Variants in MARCHF5 observed in about 807,000 individuals in gnomAD.
MARCHF5 encodes E3 ubiquitin-protein ligase MARCHF5.
Under a neutral mutation model 36.5 loss-of-function variants are expected in MARCHF5, and 5 were observed. The ratio of observed to expected loss-of-function variants is 0.14; its 90% confidence interval spans 0.07 to 0.29. The LOEUF is 0.29. Among genes scored for constraint, MARCHF5 ranks in the 10% least tolerant of loss-of-function variants. MARCHF5 has a pLI of 1.00. For synonymous variants in MARCHF5, 103 were observed against 109.9 expected, an observed-to-expected ratio of 0.94 and a Z score of 0.39; for missense variants, 179 against 336.3, an observed-to-expected ratio of 0.53 and a Z score of 3.66.
intron 1 of MARCHF5, among the ~76,000 whole-genome samples, chr10:92,305,030 T>A (rs1843056941): frequency 1.3e-5 from 2 of 152,204 alleles, no homozygotes; most frequent in African/African-American, 4.8e-5. Context: ...GCATTTTACT[T>A]ATTGTTTAAA....
intron 2 of MARCHF5, among the ~76,000 whole-genome samples, chr10:92,319,445 G>A (rs1485823884): frequency 4.6e-5 from 7 of 151,094 alleles, no homozygotes; most frequent in East Asian, 2.0e-4. Flanking sequence ...ACAGGCGCAC[G>A]CCACCATGCC....
intron 2 of MARCHF5, among the ~76,000 whole-genome samples, chr10:92,326,380 T>A (rs1280599741): frequency 1.3e-5 from 2 of 152,026 alleles, no homozygotes; most frequent in African/African-American, 2.4e-5. Context: ...CTCAGCAAAT[T>A]TATGTAATGG....
intron 1 of MARCHF5, among the ~76,000 whole-genome samples, chr10:92,302,998 A>G (rs1236987788): frequency 6.6e-6 from 1 of 152,188 alleles, no homozygotes; most frequent in Non-Finnish European, 1.5e-5. Flanking sequence ...CAGGAGTCTG[A>G]TTTCCCAGAA....
chr10:92,353,894 C>T lies in MARCHF5; in HGVS notation c.*2687C>T, dbSNP rs182339482. 9.8e-5 allele frequency: 15 copies of T among 152,438 alleles called. No homozygotes were observed. The East Asian group carries it at 1.5e-3, about 16-fold the overall frequency. The allele number at this position is 152,438 out of a possible 1,614,324, so 9.4% of individuals were successfully genotyped here. A position where few individuals can be genotyped will look rare whatever the true frequency, so the allele number is the denominator to read the frequency against. Reference sequence around the variant, plus strand: ...CTAACTTTGCTGTAATTTTTTTAAACGTCTTGTTTTTAATATAGCAAACTA... The same window carrying T: ...CTAACTTTGCTGTAATTTTTTTAAATGTCTTGTTTTTAATATAGCAAACTA... On this transcript the variant is annotated 3_prime_UTR_variant, in exon 6 of 6. Transcript: ENST00000358935.
Position 92,319,326 on chromosome 10 carries a change from G to A in MARCHF5, c.238+7989G>A, listed in dbSNP as rs545586081. On this transcript the variant is annotated intron_variant, in intron 2 of 5. Coordinates refer to ENST00000358935, the MANE Select transcript of MARCHF5 (RefSeq NM_017824.5). ...TTTTTTTTTTTTGAGACGGAGTTTCGCTCTTGTCGCCCAGGCTGGAGTGCA... is the reference window on the plus strand; with the variant it reads ...TTTTTTTTTTTTGAGACGGAGTTTCACTCTTGTCGCCCAGGCTGGAGTGCA... 1.9e-3 allele frequency among the ~76,000 whole-genome samples: 275 copies of A among 141,912 alleles called. 1 individual carries two copies. The highest frequency in any genetic ancestry group is 6.9e-3 in the African/African-American group (265 of 38,508). 93.1% of individuals were successfully genotyped at this position (141,912 alleles called of 152,430 possible). A position where few individuals can be genotyped will look rare whatever the true frequency, so the allele number is the denominator to read the frequency against.
intron 2 of MARCHF5, among the ~76,000 whole-genome samples, chr10:92,326,655 ATAGC>A (rs748895889): frequency 2.0e-5 from 3 of 152,218 alleles, no homozygotes; most frequent in Non-Finnish European, 2.9e-5. Context: ...AAACAAAATG[ATAGC>A]TAGGTGCCTG....
At chr10:92,302,305 G>A (rs890760735) in intron 1 of MARCHF5, among the ~76,000 whole-genome samples, 1 of 152,080 alleles carries the variant, frequency 6.6e-6, no homozygotes, top group African/African-American at 2.4e-5. Flanking sequence ...ATAGATCCAG[G>A]TACTTTAACT....
At position 92,330,596 on chromosome 10, in the gene MARCHF5, A is replaced by T. The variant is rs1031164114; in HGVS notation, c.239-10077A>T. 3.9e-5 allele frequency among the ~76,000 whole-genome samples: 6 copies of T among 152,212 alleles called. No homozygotes were observed. The East Asian group carries it at 1.2e-3, about 29-fold the overall frequency. ...TATTTGTATTCCAGAGCTATATACC[A>T]CAAGTTTTTTCTCAGACACCTGCTG... is the stretch of plus-strand genomic sequence containing the variant. On this transcript the variant is annotated intron_variant, in intron 2 of 5. Coordinates refer to ENST00000358935, the MANE Select transcript of MARCHF5 (RefSeq NM_017824.5).
chr10:92,322,244 C>CAAAAAAAAA (rs56391697), intron 2 of MARCHF5, among the ~76,000 whole-genome samples: 2 of 27,746 alleles, frequency 7.2e-5, no homozygotes, highest in Non-Finnish European at 6.5e-5. Flanking sequence ...AACTCCGTCT[C>CAAAAAAAAA]AAAAAAAAAA....
chr10:92,311,062 G>A (rs1328755752), intron 1 of MARCHF5, 73 bp from the exon 2 acceptor site: 3 of 1,092,030 alleles, frequency 2.7e-6, no homozygotes, highest in Admixed American at 4.0e-5. Context: ...ATCCCATTAA[G>A]TAAGAGCTGC....
At chr10:92,291,751 G>A (rs1842870365) in intron 1 of MARCHF5, 3 of 232,252 alleles carry the variant, frequency 1.3e-5, no homozygotes, top group Non-Finnish European at 2.1e-5. Flanking sequence ...AAGGAGTGGC[G>A]TCTGGTTTCC....
intron 1 of MARCHF5, among the ~76,000 whole-genome samples, chr10:92,301,694 A>C (rs1237978798): frequency 6.6e-6 from 1 of 152,250 alleles, no homozygotes; most frequent in African/African-American, 2.4e-5. Context: ...CTGATATAAA[A>C]TGGTGTAGTA....
At chr10:92,294,804 G>A (rs181698241) in intron 1 of MARCHF5, among the ~76,000 whole-genome samples, 2 of 152,282 alleles carry the variant, frequency 1.3e-5, no homozygotes, top group Admixed American at 6.5e-5. Context: ...TTGGGAGGCC[G>A]AGATGAGAGG....
chr10:92,320,427 C>T (rs1213650076), intron 2 of MARCHF5, among the ~76,000 whole-genome samples: 1 of 152,000 alleles, frequency 6.6e-6, no homozygotes, highest in Non-Finnish European at 1.5e-5. Context: ...TCAGGCATAT[C>T]CTTCAGGAGG....
intron 2 of MARCHF5, among the ~76,000 whole-genome samples, chr10:92,318,847 C>G (rs1843249778): frequency 6.6e-6 from 1 of 152,074 alleles, no homozygotes; most frequent in African/African-American, 2.4e-5. Flanking sequence ...GCTGGAATTA[C>G]AGGCACCCAC....
At chr10:92,349,045 A>G (rs1025928819) in intron 3 of MARCHF5, among the ~76,000 whole-genome samples, 3 of 152,292 alleles carry the variant, frequency 2.0e-5, no homozygotes, top group South Asian at 2.1e-4. Flanking sequence ...AACCAAATCA[A>G]ATAAAGGAAT....
At chr10:92,328,821 A>ATATATATATATATATATATTTT (rs372130854) in intron 2 of MARCHF5, among the ~76,000 whole-genome samples, 2 of 122,444 alleles carry the variant, frequency 1.6e-5, no homozygotes, top group African/African-American at 6.3e-5. Context: ...ATATATATAT[A>ATATATATATATATATATATTTT]TTTTTTTTTT....
At chr10:92,332,948 T>C (rs1215947134) in intron 2 of MARCHF5, among the ~76,000 whole-genome samples, 1 of 151,998 alleles carries the variant, frequency 6.6e-6, no homozygotes, top group Non-Finnish European at 1.5e-5. Flanking sequence ...GCGGATTACC[T>C]GAGGTCAGGA....
In MARCHF5 at chr10:92,311,131, A is replaced by G. The variant is rs770714708; in HGVS notation, c.36-4A>G. ...ATGTCATCCTTTTCTCTTTTAATTT[A>G]CAGAAGTTGCTGGGTTTGTTTTGCT... On this transcript the variant is annotated splice_region_variant and splice_polypyrimidine_tract_variant and intron_variant, in intron 1 of 5. Transcript: ENST00000358935. 1.9e-5 allele frequency: 31 copies of G among 1,612,298 alleles called. No individual in the cohort carries two copies. Among genetic ancestry groups the G allele is most frequent in the Non-Finnish European group, 2.5e-5 (29 of 1,178,556 alleles).
Sources: allele counts gnomAD v4.1 joint callset (sites outside exome capture counted in the v4.1 genomes callset), GRCh38; gene constraint gnomAD v4.1.1; transcripts MANE v1.5; gene names NCBI Gene and HGNC (gene_info 2026-07-23, HGNC 2026-07-21).